Variants in PKP4 observed in about 807,000 individuals in gnomAD.
The protein encoded by PKP4 is plakophilin-4.
In PKP4, 90 loss-of-function variants were observed where a neutral mutation model predicts 145.1. The observed-to-expected ratio is 0.62, with a 90% CI of 0.52 to 0.74. PKP4 has a LOEUF of 0.74. PKP4 is among the 30% of genes least tolerant of loss of function. PKP4 has a pLI of 0.00. For synonymous variants in PKP4, 563 were observed against 577.2 expected (o/e 0.98, Z 0.35); for missense variants, 1,340 against 1,482.7 (o/e 0.90, Z 1.58).
chr2:158,639,072 G>C (rs1420012648), intron 9 of PKP4, among the ~76,000 whole-genome samples: 3 of 152,138 alleles, frequency 2.0e-5, no homozygotes, highest in African/African-American at 4.8e-5. Flanking sequence ...TTCCTTATCT[G>C]TATCTAATGT....
At chr2:158,577,577 C>G (rs574041173) in intron 3 of PKP4, among the ~76,000 whole-genome samples, 194 bp downstream of exon 3, 1 of 152,298 alleles carries the variant, frequency 6.6e-6, no homozygotes, top group African/African-American at 2.4e-5. Flanking sequence ...GAAATGTTTT[C>G]TATAGCATTG....
At chr2:158,486,062 A>G (rs1436397769) in intron 1 of PKP4, among the ~76,000 whole-genome samples, 2 of 152,208 alleles carry the variant, frequency 1.3e-5, no homozygotes, top group Non-Finnish European at 2.9e-5. Context: ...AAGAATTACA[A>G]AAATGAAATT....
intron 1 of PKP4, among the ~76,000 whole-genome samples, chr2:158,530,516 T>C (rs922180198): frequency 8.2e-5 from 12 of 146,684 alleles, no homozygotes; most frequent in African/African-American, 2.6e-5. Flanking sequence ...TTTTTTTTTT[T>C]TTTTTTTTTT....
chr2:158,612,868 A>G (rs2051263144), intron 4 of PKP4, among the ~76,000 whole-genome samples: 1 of 152,178 alleles, frequency 6.6e-6, no homozygotes, highest in African/African-American at 2.4e-5. Flanking sequence ...GGAGATCAGC[A>G]TGACCTTAGA....
chr2:158,469,986 G>A (rs922459869), intron 1 of PKP4, among the ~76,000 whole-genome samples: 3 of 151,938 alleles, frequency 2.0e-5, no homozygotes, highest in African/African-American at 7.3e-5. Flanking sequence ...CCTTCGCTCT[G>A]CCCAACTCCA....
chr2:158,508,366 CAAAAAAAA>C (rs747754927), intron 1 of PKP4, among the ~76,000 whole-genome samples: 1 of 115,880 alleles, frequency 8.6e-6, no homozygotes, highest in Admixed American at 9.4e-5. Flanking sequence ...AACTCCGTCT[CAAAAAAAA>C]AAAAAAAAAA....
intron 7 of PKP4, 24 bp downstream of exon 7, chr2:158,625,451 C>T: frequency 6.5e-7 from 1 of 1,546,594 alleles, no homozygotes; most frequent in Non-Finnish European, 8.8e-7. Context: ...GACAGTGCTA[C>T]ATAAAACCCA....
intron 1 of PKP4, among the ~76,000 whole-genome samples, chr2:158,507,431 G>C (rs936986439): frequency 3.3e-5 from 5 of 152,192 alleles, no homozygotes; most frequent in African/African-American, 1.2e-4. Context: ...AAGATCAACA[G>C]AGTACCGTGA....
At chr2:158,568,176 A>T (rs1357236902) in intron 2 of PKP4, among the ~76,000 whole-genome samples, 1 of 152,144 alleles carries the variant, frequency 6.6e-6, no homozygotes, top group Non-Finnish European at 1.5e-5. Flanking sequence ...TCTACTAAAA[A>T]TACAAAAAAT....
intron 1 of PKP4, among the ~76,000 whole-genome samples, chr2:158,499,044 A>G (rs1696170463): frequency 6.6e-6 from 1 of 152,162 alleles, no homozygotes; most frequent in Non-Finnish European, 1.5e-5. Flanking sequence ...ATGTTCAGGA[A>G]GAACGGTAAA....
At chr2:158,629,788 G>A (rs7600947) in intron 7 of PKP4, among the ~76,000 whole-genome samples, 72,629 of 151,686 alleles carry the variant, frequency 0.48, 18,397 homozygotes, top group East Asian at 0.78. Flanking sequence ...TCGGCTCACT[G>A]CAACCTCCCG....
intron 1 of PKP4, among the ~76,000 whole-genome samples, chr2:158,508,696 T>C (rs73966680): frequency 0.016 from 2,510 of 152,310 alleles, 65 homozygotes; most frequent in African/African-American, 0.056. Context: ...CCTCTGATGT[T>C]CAAAATTACA....
intron 6 of PKP4, among the ~76,000 whole-genome samples, chr2:158,622,952 T>C (rs1036870750): frequency 1.8e-4 from 27 of 152,200 alleles, no homozygotes; most frequent in African/African-American, 5.8e-4. Flanking sequence ...TTAGTAATGA[T>C]CATGTAAACA....
At chr2:158,482,960 T>C (rs1383892690) in intron 1 of PKP4, among the ~76,000 whole-genome samples, 1 of 152,224 alleles carries the variant, frequency 6.6e-6, no homozygotes, top group African/African-American at 2.4e-5. Flanking sequence ...CACAGGCCAA[T>C]TGGTTATTTT....
chr2:158,617,716 T>C (rs1353033538), intron 4 of PKP4, among the ~76,000 whole-genome samples: 1 of 152,244 alleles, frequency 6.6e-6, no homozygotes, highest in Non-Finnish European at 1.5e-5. Flanking sequence ...TCTGTGCATA[T>C]ATAGGTTTAT....
chr2:158,521,407 G>C (rs2042361887), intron 1 of PKP4, among the ~76,000 whole-genome samples: 1 of 152,098 alleles, frequency 6.6e-6, no homozygotes. Flanking sequence ...TTATCTTGCA[G>C]TGATATTTCT....
chr2:158,657,391 C>T (rs1303787766), intron 11 of PKP4, among the ~76,000 whole-genome samples: 2 of 152,154 alleles, frequency 1.3e-5, no homozygotes, highest in East Asian at 3.8e-4. Flanking sequence ...GATCTGTTAT[C>T]CTGAAATCTT....
intron 21 of PKP4, chr2:158,679,067 C>T (rs3863923): frequency 0.15 from 26,144 of 168,674 alleles, 2,571 homozygotes; most frequent in Middle Eastern, 0.33. Flanking sequence ...TCGCCCCTCC[C>T]TGTCCAAGCT....
rs757024469 is a variant in PKP4, at chr2:158,661,402, G to A, written c.2163G>A (p.Leu721=). 6 of 1,613,782 alleles carry A rather than the reference G, an allele frequency of 3.7e-6. No homozygotes were observed. The highest frequency in any genetic ancestry group is 5.1e-6 in the Non-Finnish European group (6 of 1,179,818). ...MRSCEGLVDS[L]LYVIHTCVNT... Reference sequence around the variant, plus strand: ...CCTGCGAGGGGCTGGTAGACTCACTGTTGTATGTGATCCACACGTGTGTGA... The same window carrying A: ...CCTGCGAGGGGCTGGTAGACTCACTATTGTATGTGATCCACACGTGTGTGA... Residue 721 remains leucine (L), a synonymous_variant, in exon 13 of 22, where the codon CTG becomes CTA. Transcript: ENST00000389759.
Sources: gnomAD v4.1 joint callset for allele counts (sites outside exome capture counted in the v4.1 genomes callset) on GRCh38, gnomAD v4.1.1 for gene constraint, MANE v1.5 for transcripts, NCBI Gene and HGNC (gene_info 2026-07-23, HGNC 2026-07-21) for gene names.